NFE2L2: variants seen among roughly 807,000 people sequenced by gnomAD.
NFE2L2 encodes NFE2 like bZIP transcription factor 2.
Under a neutral mutation model 49.6 loss-of-function variants are expected in NFE2L2, and 20 were observed. The ratio of observed to expected loss-of-function variants is 0.40; its 90% CI spans 0.28 to 0.59. NFE2L2 has a LOEUF of 0.59. NFE2L2 is among the 20% of genes least tolerant of loss of function. The pLI is 0.40. For synonymous variants in NFE2L2, 244 were observed against 256.5 expected, an observed-to-expected ratio of 0.95 and a Z score of 0.47; for missense variants, 578 against 714.2, an observed-to-expected ratio of 0.81 and a Z score of 2.17.
chr2:177,246,014 C>T (rs1044099209), intron 1 of NFE2L2, among the ~76,000 whole-genome samples: 3 of 152,230 alleles, frequency 2.0e-5, no homozygotes, highest in African/African-American at 7.2e-5. Flanking sequence ...CAGTCCAGAC[C>T]TTCTGACCTT....
chr2:177,255,551 C>G (rs993868394), intron 1 of NFE2L2, among the ~76,000 whole-genome samples: 1 of 152,074 alleles, frequency 6.6e-6, no homozygotes, highest in African/African-American at 2.4e-5. Context: ...TTCCAGTCCA[C>G]TAGGGTTGAT....
intron 1 of NFE2L2, among the ~76,000 whole-genome samples, chr2:177,249,211 G>T (rs925145894): frequency 7.9e-6 from 1 of 127,346 alleles, no homozygotes; most frequent in African/African-American, 2.9e-5. Context: ...AGCAATACCC[G>T]GTCTCCATAA....
rs2105457974 is a variant in NFE2L2, at chr2:177,233,987, G to C, written c.312+18C>G. ...CTTAAACCTGCCATAACTTTCCCAA[G>C]AACTGAGTACTCTGTACCTGGGAGT... On this transcript the variant is annotated intron_variant, in intron 2 of 4. Coordinates refer to ENST00000397062, the MANE Select transcript of NFE2L2 (RefSeq NM_006164.5). 1.2e-6 allele frequency: 2 copies of C among 1,613,610 alleles called. No homozygotes were observed. The highest frequency in any genetic ancestry group is 1.7e-6 in the Non-Finnish European group (2 of 1,179,888).
At chr2:177,247,332 T>C (rs1402148749) in intron 1 of NFE2L2, among the ~76,000 whole-genome samples, 1 of 151,666 alleles carries the variant, frequency 6.6e-6, no homozygotes, top group Non-Finnish European at 1.5e-5. Flanking sequence ...AATTGGGCCC[T>C]TCCCACTATC....
intron 1 of NFE2L2, among the ~76,000 whole-genome samples, chr2:177,238,214 G>A (rs1409361691): frequency 6.6e-6 from 1 of 152,152 alleles, no homozygotes; most frequent in Admixed American, 6.6e-5. Context: ...GAGATCCCAG[G>A]ATAAAAATCA....
chr2:177,257,449 G>A (rs1313374770), intron 1 of NFE2L2, among the ~76,000 whole-genome samples: 1 of 152,190 alleles, frequency 6.6e-6, no homozygotes, highest in African/African-American at 2.4e-5. Flanking sequence ...TATATATTTA[G>A]TGAGTTTCAA....
intron 1 of NFE2L2, among the ~76,000 whole-genome samples, chr2:177,237,186 C>A (rs1376723684): frequency 2.6e-5 from 4 of 152,128 alleles, no homozygotes; most frequent in Non-Finnish European, 5.9e-5. Flanking sequence ...ATTTTTGAAC[C>A]AATCTGCCAT....
intron 1 of NFE2L2, chr2:177,256,016 T>C (rs976995115): frequency 1.3e-5 from 2 of 154,752 alleles, no homozygotes; most frequent in African/African-American, 2.4e-5. Flanking sequence ...AGGAAGTCAC[T>C]ACCAGGAATT....
intron 1 of NFE2L2, among the ~76,000 whole-genome samples, chr2:177,252,182 T>C (rs963161702): frequency 6.6e-6 from 1 of 152,104 alleles, no homozygotes; most frequent in African/African-American, 2.4e-5. Context: ...ACACACCCTA[T>C]TGTGAAATCT....
intron 1 of NFE2L2, among the ~76,000 whole-genome samples, chr2:177,255,209 A>C (rs1690474868): frequency 6.6e-6 from 1 of 152,206 alleles, no homozygotes; most frequent in Admixed American, 6.5e-5. Flanking sequence ...CTGAGGAGGA[A>C]AGACTTTACT....
intron 1 of NFE2L2, among the ~76,000 whole-genome samples, chr2:177,258,361 C>A (rs972642116): frequency 1.3e-5 from 2 of 152,194 alleles, no homozygotes; most frequent in Admixed American, 1.3e-4. Flanking sequence ...CATTTACATG[C>A]TATTCCATTT....
intron 1 of NFE2L2, among the ~76,000 whole-genome samples, chr2:177,243,140 G>A (rs951707206): frequency 2.0e-5 from 3 of 152,020 alleles, no homozygotes; most frequent in Non-Finnish European, 4.4e-5. Flanking sequence ...GTCTTGTACT[G>A]CCCTTAGAAT....
intron 1 of NFE2L2, among the ~76,000 whole-genome samples, chr2:177,243,362 G>T (rs1044939116): frequency 6.6e-6 from 1 of 152,202 alleles, no homozygotes; most frequent in African/African-American, 2.4e-5. Context: ...AGTCCCCCAT[G>T]AGGGTGGGCA....
Position 177,264,655 on chromosome 2 carries a change from G to T in NFE2L2, c.-79C>A, listed in dbSNP as rs1690871708. 2 of 1,292,022 alleles carry T rather than the reference G, an allele frequency of 1.5e-6. No individual in the cohort carries two copies. The highest frequency in any genetic ancestry group is 3.2e-5 in the East Asian group (1 of 30,988). The allele number at this position is 1,292,022 out of a possible 1,614,324, so 80.0% of individuals were successfully genotyped here. ...GCCGAGGCGCGGCGCGGACAGGGCG[G>T]CTCTGGTGGCGGCGGCGGCGGCGGT... On this transcript the variant is annotated 5_prime_UTR_variant, in exon 1 of 5. Transcript: ENST00000397062.
chr2:177,252,193 A>C (rs1690366577), intron 1 of NFE2L2, among the ~76,000 whole-genome samples: 1 of 152,130 alleles, frequency 6.6e-6, no homozygotes, highest in East Asian at 1.9e-4. Flanking sequence ...TGTGAAATCT[A>C]ATGACATAAC....
At chr2:177,238,412 C>T (rs866607570) in intron 1 of NFE2L2, among the ~76,000 whole-genome samples, 17 of 152,164 alleles carry the variant, frequency 1.1e-4, no homozygotes, top group South Asian at 2.1e-4. Flanking sequence ...TTTCCTTTCC[C>T]CCCCTTTTCC....
chr2:177,234,103 C>G lies in NFE2L2; in HGVS notation c.214G>C (p.Ala72Pro), dbSNP rs1135118. The part of the protein sequence containing the change: ...LQKEQEKAFF[A>P]QLQLDEETGE... ...GTCTCTTCATCTAGTTGTAACTGAG[C>G]GAAAAAGGCTTTCTCTTGCTCCTTT... is the stretch of plus-strand genomic sequence containing the variant. The change falls in exon 2 of 5, where the codon GCT (alanine) becomes CCT (proline). Residue 72 changes from alanine (A) to proline (P), a missense_variant. By Grantham distance (27) the Ala-to-Pro change is conservative. This residue lies in a region of NFE2L2 where 93 missense variants were observed against 153.9 expected (regional missense o/e 0.60). Coordinates refer to ENST00000397062, the MANE Select transcript of NFE2L2 (RefSeq NM_006164.5). 6.2e-7 allele frequency: 1 copy of G among 1,614,082 alleles called. No individual in the cohort carries two copies. Among genetic ancestry groups the G allele is most frequent in the Non-Finnish European group, 8.5e-7 (1 of 1,180,010 alleles).
chr2:177,264,029 G>T, intron 1 of NFE2L2: 1 of 871,482 alleles, frequency 1.1e-6, no homozygotes, highest in Non-Finnish European at 1.4e-6. Flanking sequence ...GGGGCTCCGG[G>T]TCCCAGCCCG....
chr2:177,264,016 G>A, intron 1 of NFE2L2: 1 of 921,726 alleles, frequency 1.1e-6, no homozygotes, highest in Non-Finnish European at 1.3e-6. Flanking sequence ...GGGGCGCGGC[G>A]AAGGGGCTCC....
Sources: gnomAD v4.1 joint callset for allele counts (sites outside exome capture counted in the v4.1 genomes callset) on GRCh38, gnomAD v4.1.1 for gene constraint, gnomAD v4.1.1 regional missense constraint, MANE v1.5 for transcripts, NCBI Gene and HGNC (gene_info 2026-07-23, HGNC 2026-07-21) for gene names.